Variants in MORN5 observed in about 807,000 individuals in gnomAD.
MORN5 encodes the protein MORN repeat containing 5.
MORN5 carries 21 observed loss-of-function variants against 22.1 expected under a neutral mutation model. The ratio of observed to expected loss-of-function variants is 0.95; its 90% CI spans 0.67 to 1.37. The LOEUF (loss-of-function observed/expected upper bound fraction) is 1.37, where lower values mean the gene tolerates loss of function less well. Among genes scored for constraint, MORN5 ranks in the 40% most tolerant of loss-of-function variants. The pLI is 0.00. For synonymous variants in MORN5, 73 were observed against 74.0 expected (o/e 0.99, Z 0.07); for missense variants, 211 against 215.1 (o/e 0.98, Z 0.12).
At chr9:122,176,744 G>C (rs961347341) in intron 4 of MORN5, among the ~76,000 whole-genome samples, 1 of 152,126 alleles carries the variant, frequency 6.6e-6, no homozygotes, top group African/African-American at 2.4e-5. Context: ...TGGGCGTGGT[G>C]GTGGGTGCCT....
intron 1 of MORN5, among the ~76,000 whole-genome samples, chr9:122,163,574 C>T (rs529134144): frequency 6.6e-6 from 1 of 152,242 alleles, no homozygotes; most frequent in Non-Finnish European, 1.5e-5. Context: ...AGTTTTTAGG[C>T]AGAGGGAACA....
At chr9:122,165,395 C>CAA (rs59306308) in intron 1 of MORN5, among the ~76,000 whole-genome samples, 2,942 of 82,830 alleles carry the variant, frequency 0.036, 176 homozygotes, top group African/African-American at 0.14. Flanking sequence ...CCCGTCTCTA[C>CAA]AAAAAAAAAA....
intron 4 of MORN5, among the ~76,000 whole-genome samples, chr9:122,190,377 A>G (rs1588314494): frequency 6.6e-6 from 1 of 152,248 alleles, no homozygotes; most frequent in East Asian, 1.9e-4. Context: ...ACAATTGGCC[A>G]TGATTTCCTG....
intron 4 of MORN5, among the ~76,000 whole-genome samples, chr9:122,180,132 T>C (rs1442460543): frequency 6.6e-6 from 1 of 152,120 alleles, no homozygotes; most frequent in Non-Finnish European, 1.5e-5. Flanking sequence ...GGCTTTGGGG[T>C]TCAGGGCAGG....
At chr9:122,161,547 G>A (rs1488345351) in intron 1 of MORN5, among the ~76,000 whole-genome samples, 1 of 152,272 alleles carries the variant, frequency 6.6e-6, no homozygotes, top group Admixed American at 6.5e-5. Context: ...CACCATTATG[G>A]ATACACAGCT....
intron 4 of MORN5, among the ~76,000 whole-genome samples, chr9:122,176,246 C>G (rs1397161462): frequency 6.6e-6 from 1 of 152,088 alleles, no homozygotes; most frequent in Non-Finnish European, 1.5e-5. Flanking sequence ...CACTCCAAGT[C>G]CCCCAGCTCA....
At chr9:122,174,063 C>G (rs1447319994) in intron 3 of MORN5, among the ~76,000 whole-genome samples, 2 of 152,216 alleles carry the variant, frequency 1.3e-5, no homozygotes, top group African/African-American at 4.8e-5. Flanking sequence ...ACGTGCTCTG[C>G]TCTACAAGGT....
chr9:122,160,110 G>C (rs1829168938), intron 1 of MORN5, 91 bp downstream of exon 1: 14 of 1,221,716 alleles, frequency 1.1e-5, no homozygotes, highest in Non-Finnish European at 1.6e-5. Flanking sequence ...CCTTGTGCCA[G>C]GCACTTTCAC....
rs572455972 is a variant in MORN5 at position 122,161,463 on chromosome 9, A to G, written c.47+1444A>G. The stretch of plus-strand genomic sequence containing the variant: ...AGGTGCTTGGTGTGTACTCCCTCTC[A>G]CTACTCAGTGAGATAGTTCAGGCTG... On this transcript the variant is annotated intron_variant, in intron 1 of 4. Transcript: ENST00000373764. Among the ~76,000 whole-genome samples, 12 of 152,316 alleles carry G rather than the reference A, an allele frequency of 7.9e-5. No homozygotes were observed. In the East Asian group the frequency reaches 2.3e-3, roughly 29 times the overall value.
chr9:122,180,122 G>C (rs1360012270), intron 4 of MORN5, among the ~76,000 whole-genome samples: 3 of 152,158 alleles, frequency 2.0e-5, no homozygotes, highest in Non-Finnish European at 2.9e-5. Flanking sequence ...CTGTGTGCCA[G>C]GCTTTGGGGT....
At chr9:122,191,525 C>A (rs1474989827) in intron 4 of MORN5, among the ~76,000 whole-genome samples, 1 of 152,208 alleles carries the variant, frequency 6.6e-6, no homozygotes, top group Non-Finnish European at 1.5e-5. Flanking sequence ...GAGCTGGGCA[C>A]CTCCTAAGTG....
intron 4 of MORN5, 107 bp from the exon 5 acceptor site, chr9:122,199,778 C>T: frequency 1.0e-6 from 1 of 965,064 alleles, no homozygotes; most frequent in Non-Finnish European, 1.7e-6. Context: ...CACAGACTGG[C>T]CATCGACGGA....
chr9:122,189,158 G>A (rs910940924), intron 4 of MORN5, among the ~76,000 whole-genome samples: 17 of 151,622 alleles, frequency 1.1e-4, no homozygotes, highest in African/African-American at 4.1e-4. Flanking sequence ...TCACGCCACT[G>A]CACTCCAGCC....
intron 4 of MORN5, among the ~76,000 whole-genome samples, chr9:122,192,540 GC>G (rs59875257): frequency 0.11 from 16,256 of 152,192 alleles, 1,565 homozygotes; most frequent in African/African-American, 0.27. Context: ...CCCCAGCTGT[GC>G]ACTGACCTGC....
rs1829913303 is a variant in MORN5 at position 122,197,265 on chromosome 9, CT to C, written c.440-2614del. On this transcript the variant is annotated intron_variant, in intron 4 of 4. Transcript: ENST00000373764. The surrounding 1 kb of genome is among the most constrained non-coding windows in gnomAD (Gnocchi z 5.7). ...AGTTTGTGGGGTGTTTTTCCCCCAT[CT>C]TTTTTCTCCCTCCTTTCCCTCTCCC... Among the ~76,000 whole-genome samples, 4 of 152,022 alleles carry C rather than the reference CT, an allele frequency of 2.6e-5. 1 individual carries two copies. In the East Asian group the frequency reaches 5.8e-4, roughly 22 times the overall value.
At chr9:122,195,718 G>A (rs1829872685) in intron 4 of MORN5, among the ~76,000 whole-genome samples, 2 of 152,162 alleles carry the variant, frequency 1.3e-5, no homozygotes, top group South Asian at 4.1e-4. Flanking sequence ...CCATTATAAA[G>A]TTACTTTCCC....
intron 4 of MORN5, chr9:122,174,985 C>A: frequency 3.6e-6 from 2 of 556,174 alleles, no homozygotes; most frequent in Non-Finnish European, 2.3e-6. Flanking sequence ...TGGACACAGC[C>A]CCCCTTCCTT....
chr9:122,190,735 A>G (rs1829744023), intron 4 of MORN5, among the ~76,000 whole-genome samples: 1 of 152,258 alleles, frequency 6.6e-6, no homozygotes, highest in Non-Finnish European at 1.5e-5. Flanking sequence ...ATGACTCCTC[A>G]GTCAATATTG....
intron 4 of MORN5, chr9:122,175,403 A>C: frequency 1.1e-6 from 1 of 932,572 alleles, no homozygotes; most frequent in Non-Finnish European, 1.3e-6. Flanking sequence ...CACAAGGCTG[A>C]TCAGACTGAG....
Sources: gnomAD v4.1 joint callset for allele counts (sites outside exome capture counted in the v4.1 genomes callset) on GRCh38, gnomAD v4.1.1 for gene constraint, Gnocchi (gnomAD v3.1) non-coding constraint, MANE v1.5 for transcripts, NCBI Gene and HGNC (gene_info 2026-07-23, HGNC 2026-07-21) for gene names.